SPEF2: variants seen among roughly 807,000 people sequenced by gnomAD.
The protein encoded by SPEF2 is sperm flagellar and cilia associated 2.
In SPEF2, 187 loss-of-function variants were observed where a neutral mutation model predicts 224.6. That is an observed-to-expected ratio of 0.83 (90% CI 0.74 to 0.94). The LOEUF is 0.94. SPEF2 is among the 40% of genes least tolerant of loss of function. The pLI is 0.00. For synonymous variants in SPEF2, 715 were observed against 707.3 expected (o/e 1.01, Z -0.17); for missense variants, 2,170 against 2,135.6 (o/e 1.02, Z -0.32).
At chr5:35,662,194 T>C (rs1749841445) in intron 8 of SPEF2, among the ~76,000 whole-genome samples, 1 of 152,248 alleles carries the variant, frequency 6.6e-6, no homozygotes, top group African/African-American at 2.4e-5. Flanking sequence ...TAAGCTTTTT[T>C]TTCACGTTTG....
At chr5:35,642,863 A>G (rs1399710893) in intron 3 of SPEF2, among the ~76,000 whole-genome samples, 1 of 152,206 alleles carries the variant, frequency 6.6e-6, no homozygotes, top group African/African-American at 2.4e-5. Flanking sequence ...GTCTGGTAGC[A>G]GAATGGACTC....
rs1201665805 is a variant in SPEF2, at chr5:35,750,999, A to ATATATATATATACG, written c.3331-2614_3331-2601dup. ...GAAACTGTGCTATATATATATATGT[A>ATATATATATATACG]TATATATATATACGTATATATATAC... On this transcript the variant is annotated intron_variant, in intron 23 of 36. Coordinates refer to ENST00000356031, the MANE Select transcript of SPEF2 (RefSeq NM_024867.4). Among the ~76,000 whole-genome samples, 21 of 43,920 alleles carry ATATATATATATACG rather than the reference A, an allele frequency of 4.8e-4. 1 individual carries two copies. The highest frequency in any genetic ancestry group is 2.5e-3 in the South Asian group (3 of 1,182). The allele number at this position is 43,920 out of a possible 152,430, so 28.8% of individuals were successfully genotyped here.
chr5:35,708,121 ATAG>A (rs1342735970), intron 18 of SPEF2, among the ~76,000 whole-genome samples: 1 of 152,180 alleles, frequency 6.6e-6, no homozygotes, highest in Non-Finnish European at 1.5e-5. Context: ...ATCATTAGAA[ATAG>A]TAGTAGTTTT....
chr5:35,661,263 T>C, intron 8 of SPEF2, among the ~76,000 whole-genome samples: 1 of 11,146 alleles, frequency 9.0e-5, no homozygotes, highest in Non-Finnish European at 1.4e-4. Flanking sequence ...ATTATATATA[T>C]ATATATATAT....
Position 35,789,025 on chromosome 5 carries a change from G to C in SPEF2, c.4448-3315G>C, listed in dbSNP as rs1224161556. 4.3e-6 allele frequency: 3 copies of C among 690,212 alleles called. No homozygotes were observed. In the East Asian group the frequency reaches 8.1e-5, roughly 19 times the overall value. 42.8% of individuals were successfully genotyped at this position (690,212 alleles called of 1,614,324 possible). A position where few individuals can be genotyped will look rare whatever the true frequency, so the allele number is the denominator to read the frequency against. On this transcript the variant is annotated intron_variant, in intron 30 of 36. Coordinates refer to ENST00000356031, the MANE Select transcript of SPEF2 (RefSeq NM_024867.4). ...GATATCCTGCAATTGTTCGGCAACT[G>C]CACTCAGTAAGTAATTTTGAAATAT...
chr5:35,681,171 C>G (rs974675708), intron 10 of SPEF2, among the ~76,000 whole-genome samples: 1 of 151,932 alleles, frequency 6.6e-6, no homozygotes, highest in Non-Finnish European at 1.5e-5. Flanking sequence ...TAATAATGTA[C>G]CTGTTGATAA....
chr5:35,793,230 C>G lies in SPEF2; in HGVS notation c.4626C>G (p.Thr1542=), dbSNP rs2149834911. 1.2e-6 allele frequency: 2 copies of G among 1,614,148 alleles called. No homozygotes were observed. Among genetic ancestry groups the G allele is most frequent in the Non-Finnish European group, 1.7e-6 (2 of 1,180,020 alleles). Residue 1542 remains threonine, a synonymous_variant, in exon 32 of 37, where the codon ACC becomes ACG. Coordinates refer to ENST00000356031, the MANE Select transcript of SPEF2 (RefSeq NM_024867.4). ...FVDWRKFLLV[T]SMPWPIPLEE... Reference sequence around the variant, plus strand: ...ACTGGCGGAAGTTCCTGTTAGTAACCTCAATGCCTTGGCCCATTCCCTTGG... The same window carrying G: ...ACTGGCGGAAGTTCCTGTTAGTAACGTCAATGCCTTGGCCCATTCCCTTGG...
At chr5:35,683,245 T>C (rs16902406) in intron 10 of SPEF2, among the ~76,000 whole-genome samples, 18,660 of 152,094 alleles carry the variant, frequency 0.12, 1,726 homozygotes, top group East Asian at 0.38. Flanking sequence ...TCTGTAAAGA[T>C]GGGATCCATA....
intron 16 of SPEF2, chr5:35,702,064 G>A: frequency 2.4e-6 from 1 of 419,242 alleles, no homozygotes; most frequent in Non-Finnish European, 4.8e-6. Flanking sequence ...GCAGCTAATG[G>A]AGAAGAAGAA....
chr5:35,799,913 A>G, intron 33 of SPEF2, 55 bp from the exon 34 acceptor site: 18 of 1,586,496 alleles, frequency 1.1e-5, no homozygotes, highest in Non-Finnish European at 1.5e-5. Flanking sequence ...TGCATGACTA[A>G]CTACTGACTA....
intron 10 of SPEF2, among the ~76,000 whole-genome samples, chr5:35,680,159 C>T (rs1219943277): frequency 6.6e-6 from 1 of 152,084 alleles, no homozygotes; most frequent in East Asian, 1.9e-4. Flanking sequence ...TAGAAAGACC[C>T]AAATTAATAA....
chr5:35,810,251 G>T (rs1283305039), intron 36 of SPEF2, among the ~76,000 whole-genome samples: 4 of 152,096 alleles, frequency 2.6e-5, no homozygotes, highest in African/African-American at 9.7e-5. Context: ...TGCTCTTGTT[G>T]CCCAGGCTGG....
At chr5:35,742,388 T>C (rs959213959) in intron 23 of SPEF2, among the ~76,000 whole-genome samples, 15 of 152,084 alleles carry the variant, frequency 9.9e-5, no homozygotes, top group African/African-American at 3.4e-4. Context: ...TTTTAAAATA[T>C]ACTAAAAATT....
intron 7 of SPEF2, 149 bp from the exon 8 acceptor site, chr5:35,658,870 A>T (rs1213015800): frequency 1.1e-5 from 6 of 538,926 alleles, no homozygotes; most frequent in Non-Finnish European, 1.8e-5. Flanking sequence ...TCATAACATG[A>T]TTTTTTTTGC....
rs370331836 is a variant in SPEF2, at chr5:35,664,776, GAGAGAA to G, written c.1168-2291_1168-2286del. ...AGGAAGGAAGGAGGAGAGAGAGAGA[GAGAGAA>G]AGAGGGAGGGAGAGAGAGGGAGAGG... is the stretch of plus-strand genomic sequence containing the variant. On this transcript the variant is annotated intron_variant, in intron 8 of 36. Coordinates refer to ENST00000356031, the MANE Select transcript of SPEF2 (RefSeq NM_024867.4). Among the ~76,000 whole-genome samples the G allele has an allele frequency of 1.6e-3, 240 of 145,518 alleles. 1 individual carries two copies. Among genetic ancestry groups the G allele is most frequent in the African/African-American group, 6.2e-3 (226 of 36,640 alleles).
At chr5:35,735,341 C>T (rs1393382787) in intron 21 of SPEF2, among the ~76,000 whole-genome samples, 1 of 152,164 alleles carries the variant, frequency 6.6e-6, no homozygotes, top group Non-Finnish European at 1.5e-5. Flanking sequence ...CTAATGTTAC[C>T]AGTCTTCAAA....
chr5:35,751,020 T>C (rs866910543), intron 23 of SPEF2, among the ~76,000 whole-genome samples: 5 of 100,056 alleles, frequency 5.0e-5, no homozygotes, highest in African/African-American at 2.0e-4. Context: ...TACGTATATA[T>C]ATACGTATAT....
At chr5:35,786,163 T>C (rs1048886001) in intron 30 of SPEF2, among the ~76,000 whole-genome samples, 2 of 152,198 alleles carry the variant, frequency 1.3e-5, no homozygotes, top group Admixed American at 6.5e-5. Context: ...TATTCATTTA[T>C]TCACCAGCAT....
chr5:35,802,591 G>A (rs1290045529), intron 34 of SPEF2, among the ~76,000 whole-genome samples: 1 of 152,240 alleles, frequency 6.6e-6, no homozygotes, highest in East Asian at 1.9e-4. Context: ...CATTAGGGTG[G>A]CCAGAAAAGC....
Sources: gnomAD v4.1 joint callset for allele counts (sites outside exome capture counted in the v4.1 genomes callset) on GRCh38, gnomAD v4.1.1 for gene constraint, MANE v1.5 for transcripts, NCBI Gene and HGNC (gene_info 2026-07-23, HGNC 2026-07-21) for gene names.